DLG5: variants seen among roughly 807,000 people sequenced by gnomAD.
The protein encoded by DLG5 is disks large homolog 5.
Under a neutral mutation model 189.8 loss-of-function variants are expected in DLG5, and 48 were observed. That is an observed-to-expected ratio of 0.25 (90% confidence interval 0.20 to 0.32). DLG5 has a LOEUF of 0.32. Ranked by LOEUF, DLG5 falls within the 10% of genes least tolerant of loss-of-function variation. DLG5 has a pLI of 1.00. For synonymous variants in DLG5, 1,016 were observed against 1,054.1 expected (o/e 0.96, Z 0.70); for missense variants, 2,160 against 2,544.7 (o/e 0.85, Z 3.25).
Position 77,816,704 on chromosome 10 carries a change from G to A in DLG5, c.3875-3C>T. ...GCATTCAGAATGTGACACTGAACCT[G>A]CAGAGAGGAGCGGGTAATGCCGGTG... On this transcript the variant is annotated splice_polypyrimidine_tract_variant and splice_region_variant and intron_variant, in intron 19 of 31. Transcript: ENST00000372391. The A allele has an allele frequency of 6.2e-7, 1 of 1,600,810 alleles. No homozygotes were observed. Among genetic ancestry groups the A allele is most frequent in the Non-Finnish European group, 8.5e-7 (1 of 1,173,152 alleles).
the DLG5 span, among the ~76,000 whole-genome samples, chr10:77,936,712 C>T: frequency 6.6e-6 from 1 of 152,224 alleles, no homozygotes; most frequent in Non-Finnish European, 1.5e-5. Context: ...TAAGAAGTTG[C>T]TTGCCCAAAA....
intron 1 of DLG5, among the ~76,000 whole-genome samples, chr10:77,923,551 GAGT>G (rs1846598115): frequency 6.6e-6 from 1 of 152,214 alleles, no homozygotes; most frequent in Admixed American, 6.5e-5. Flanking sequence ...TTGAGCTCAG[GAGT>G]TCGAGACCAT....
chr10:77,912,225 AG>A (rs983708784), intron 1 of DLG5: 2 of 110,340 alleles, frequency 1.8e-5, no homozygotes, highest in Admixed American at 9.4e-5. Context: ...AAAAAAAAAA[AG>A]GTTAATTTTT....
At chr10:77,937,915 A>C in the DLG5 span, among the ~76,000 whole-genome samples, 1 of 130,340 alleles carries the variant, frequency 7.7e-6, no homozygotes, top group African/African-American at 2.9e-5. Context: ...ATGAGGTTTC[A>C]CCATGTTGGC....
intron 9 of DLG5, among the ~76,000 whole-genome samples, chr10:77,832,323 C>G (rs1842926105): frequency 6.6e-6 from 1 of 152,220 alleles, no homozygotes; most frequent in African/African-American, 2.4e-5. Context: ...CCTGTGACAC[C>G]CTTCCTGAAA....
intron 27 of DLG5, among the ~76,000 whole-genome samples, chr10:77,797,509 G>A (rs115680657): frequency 0.011 from 1,643 of 152,336 alleles, 35 homozygotes; most frequent in African/African-American, 0.037. Flanking sequence ...TCCAGGAGCG[G>A]CGGGCTTCAG....
rs1264592023 is a variant in DLG5 at position 77,856,764 on chromosome 10, C to T, written c.502G>A (p.Ala168Thr). 1.9e-6 allele frequency: 3 copies of T among 1,613,440 alleles called. No homozygotes were observed. The highest frequency in any genetic ancestry group is 1.3e-5 in the African/African-American group (1 of 74,886). The change falls in exon 3 of 32, where the codon GCC becomes ACC. Residue 168 changes from alanine to threonine, a missense_variant. Physicochemically the swap from Ala to Thr is moderately conservative, Grantham distance 58. Coordinates refer to ENST00000372391, the MANE Select transcript of DLG5 (RefSeq NM_004747.4). ...RERNELRKRL[A>T]FATHGTAFDK... Reference sequence around the variant, plus strand: ...AAGGCCGTGCCATGCGTAGCAAAGGCCAGGCGCTTGCGGAGCTCGTTTCTC... The same window carrying T: ...AAGGCCGTGCCATGCGTAGCAAAGGTCAGGCGCTTGCGGAGCTCGTTTCTC...
chr10:77,878,473 T>C (rs923391555), intron 1 of DLG5, among the ~76,000 whole-genome samples: 8 of 152,130 alleles, frequency 5.3e-5, no homozygotes, highest in Non-Finnish European at 1.0e-4. Context: ...GCCTCTGCAG[T>C]GTACACAGAC....
At chr10:77,827,038 G>A (rs1842671869) in intron 13 of DLG5, among the ~76,000 whole-genome samples, 1 of 152,152 alleles carries the variant, frequency 6.6e-6, no homozygotes, top group Non-Finnish European at 1.5e-5. Flanking sequence ...CCCCAAAAAT[G>A]TGTGAGATGT....
At position 77,811,739 on chromosome 10, in the gene DLG5, G is replaced by A. The variant is rs74140354; in HGVS notation, c.4322+185C>T. On this transcript the variant is annotated intron_variant, in intron 22 of 31. Transcript: ENST00000372391. ...CCATCTGTTTCCACACCCCATTTCA[G>A]GAGGAGACAGCCTCTCTATATATGC... Among the ~76,000 whole-genome samples, 1,509 of 152,306 alleles carry A rather than the reference G, an allele frequency of 9.9e-3. 25 individuals are homozygous for A. Among genetic ancestry groups the A allele is most frequent in the African/African-American group, 0.034 (1,411 of 41,558 alleles).
chr10:77,914,040 A>G (rs1846295073), intron 1 of DLG5, among the ~76,000 whole-genome samples: 1 of 152,192 alleles, frequency 6.6e-6, no homozygotes, highest in Non-Finnish European at 1.5e-5. Context: ...GTCTTATCAC[A>G]TACCCTGCAC....
chr10:77,853,137 T>C (rs1048233427), intron 5 of DLG5, among the ~76,000 whole-genome samples: 2 of 149,838 alleles, frequency 1.3e-5, no homozygotes, highest in Non-Finnish European at 3.0e-5. Context: ...TGTGCCACCA[T>C]GTCCAGCTAA....
chr10:77,792,390 T>A lies in DLG5; in HGVS notation c.*50A>T, dbSNP rs1446344594. 1 of 1,535,308 alleles carries A rather than the reference T, an allele frequency of 6.5e-7. No homozygotes were observed. Among genetic ancestry groups the A allele is most frequent in the African/African-American group, 1.4e-5 (1 of 73,340 alleles). On this transcript the variant is annotated 3_prime_UTR_variant, in exon 32 of 32. Transcript: ENST00000372391. The stretch of plus-strand genomic sequence containing the variant: ...TCAGTCGCTAGAAAAGAGCTGAGTC[T>A]GGTGTCCCCTCAGGCGGCCAGCTGC...
intron 31 of DLG5, 148 bp from the exon 32 acceptor site, chr10:77,792,691 C>A: frequency 1.5e-6 from 1 of 686,788 alleles, no homozygotes; most frequent in South Asian, 1.8e-5. Flanking sequence ...GACTCTCCTT[C>A]ACCAGCAAGA....
intron 1 of DLG5, among the ~76,000 whole-genome samples, chr10:77,891,604 AC>A (rs1168681535): frequency 2.0e-5 from 3 of 151,750 alleles, no homozygotes; most frequent in Non-Finnish European, 4.4e-5. Flanking sequence ...ACACACACAC[AC>A]ACACACACAC....
At chr10:77,857,195 G>A (rs1844277792) in intron 2 of DLG5, among the ~76,000 whole-genome samples, 1 of 152,158 alleles carries the variant, frequency 6.6e-6, no homozygotes, top group African/African-American at 2.4e-5. Context: ...GGATGCGACT[G>A]TTTTGGCCGT....
chr10:77,885,921 G>A (rs754828585), intron 1 of DLG5, among the ~76,000 whole-genome samples: 2 of 152,156 alleles, frequency 1.3e-5, no homozygotes, highest in Non-Finnish European at 2.9e-5. Flanking sequence ...GGAAGGGGAT[G>A]AAGGAAGTGC....
At chr10:77,919,313 C>T (rs1441550228) in intron 1 of DLG5, among the ~76,000 whole-genome samples, 1 of 151,956 alleles carries the variant, frequency 6.6e-6, no homozygotes, top group Admixed American at 6.6e-5. Flanking sequence ...AACCACTCAA[C>T]ACTAACATTA....
chr10:77,805,777 T>C lies in DLG5; in HGVS notation c.5052A>G (p.Ala1684=). ...NSATKTLSAA[A]RRSFFRRKHK... ...GTTTCCTCCGAAAAAAGGACCGGCG[T>C]GCAGCCGCTGACAGCGTCTTTGTGG... Residue 1684 remains alanine (A), a synonymous_variant, in exon 27 of 32, where the codon GCA becomes GCG. Coordinates refer to ENST00000372391, the MANE Select transcript of DLG5 (RefSeq NM_004747.4). 6.2e-7 allele frequency: 1 copy of C among 1,614,190 alleles called. No homozygotes were observed. Among genetic ancestry groups the C allele is most frequent in the Non-Finnish European group, 8.5e-7 (1 of 1,180,040 alleles).
Sources: gnomAD v4.1 joint callset for allele counts (sites outside exome capture counted in the v4.1 genomes callset) on GRCh38, gnomAD v4.1.1 for gene constraint, MANE v1.5 for transcripts, NCBI Gene and HGNC (gene_info 2026-07-23, HGNC 2026-07-21) for gene names.